Variants in VAV3 observed in about 807,000 individuals in gnomAD.
VAV3 encodes guanine nucleotide exchange factor VAV3.
A neutral mutation model predicts 131.2 loss-of-function variants in VAV3; 94 were observed. The ratio of observed to expected loss-of-function variants is 0.72; its 90% CI spans 0.61 to 0.85. The LOEUF (loss-of-function observed/expected upper bound fraction) is 0.85. Among genes scored for constraint, VAV3 ranks in the 40% least tolerant of loss-of-function variants. The pLI, the probability that VAV3 is intolerant of heterozygous loss-of-function variation, is 0.00. For synonymous variants in VAV3, 349 were observed against 342.0 expected (o/e 1.02, Z -0.22); for missense variants, 939 against 1,002.7 (o/e 0.94, Z 0.86).
chr1:107,688,688 A>G (rs1380842126), intron 17 of VAV3, among the ~76,000 whole-genome samples: 1 of 152,212 alleles, frequency 6.6e-6, no homozygotes, highest in Non-Finnish European at 1.5e-5. Context: ...CCTACCACAT[A>G]AAGCTCCTTA....
intron 2 of VAV3, among the ~76,000 whole-genome samples, chr1:107,822,661 T>A (rs28374986): frequency 0.12 from 29 of 252 alleles, no homozygotes; most frequent in Admixed American, 0.14. Context: ...TCAAAAAAAA[T>A]AAATAAATAA....
intron 2 of VAV3, among the ~76,000 whole-genome samples, chr1:107,820,506 C>G (rs547418884): frequency 6.7e-6 from 1 of 150,216 alleles, no homozygotes; most frequent in African/African-American, 2.5e-5. Context: ...ATAATAGTTA[C>G]AAAAATAGAG....
chr1:107,760,715 G>T, intron 10 of VAV3, 69 bp downstream of exon 10: 1 of 1,255,102 alleles, frequency 8.0e-7, no homozygotes, highest in South Asian at 1.3e-5. Flanking sequence ...CTGCAATGTA[G>T]TTGATGCTTC....
intron 2 of VAV3, among the ~76,000 whole-genome samples, chr1:107,792,498 AT>A (rs1292706151): frequency 1.3e-5 from 2 of 152,204 alleles, no homozygotes; most frequent in African/African-American, 4.8e-5. Context: ...AACTATGCAT[AT>A]AAATTTCAAC....
At chr1:107,849,724 G>A (rs185359625) in intron 2 of VAV3, among the ~76,000 whole-genome samples, 1 of 152,154 alleles carries the variant, frequency 6.6e-6, no homozygotes, top group East Asian at 1.9e-4. Context: ...ATTGACACAT[G>A]GGATCTAATT....
chr1:107,735,586 C>G (rs898235166), intron 15 of VAV3, among the ~76,000 whole-genome samples: 2 of 151,882 alleles, frequency 1.3e-5, no homozygotes, highest in Non-Finnish European at 2.9e-5. Context: ...CACCTCTACG[C>G]AAATAAACTA....
intron 2 of VAV3, 119 bp from the exon 3 acceptor site, chr1:107,779,611 C>A: frequency 3.5e-6 from 2 of 577,566 alleles, no homozygotes; most frequent in Non-Finnish European, 5.5e-6. Flanking sequence ...TTGCAGGTGT[C>A]AAAGATGTGC....
rs527937235 is a variant in VAV3 at position 107,662,784 on chromosome 1, A to G, written c.1778-20029T>C. 3.3e-5 allele frequency among the ~76,000 whole-genome samples: 5 copies of G among 152,340 alleles called. No homozygotes were observed. In the South Asian group the frequency reaches 8.3e-4, roughly 25 times the overall value. On this transcript the variant is annotated intron_variant, in intron 19 of 26. Transcript: ENST00000370056. ...GGGTAGAAAAAGACATATTAGTCAT[A>G]TGAATAAGGGGCAAAGCAATGAAGC...
intron 20 of VAV3, among the ~76,000 whole-genome samples, chr1:107,627,592 CATT>C (rs1227156367): frequency 2.0e-5 from 3 of 152,166 alleles, no homozygotes; most frequent in Non-Finnish European, 2.9e-5. Context: ...AATCATTAAT[CATT>C]ATACCCAAAT....
At chr1:107,732,843 G>T (rs1180084040) in intron 15 of VAV3, among the ~76,000 whole-genome samples, 2 of 152,224 alleles carry the variant, frequency 1.3e-5, no homozygotes, top group African/African-American at 4.8e-5. Flanking sequence ...CTGTCTGGCA[G>T]CTCTGAAGAG....
chr1:107,773,792 C>T (rs1665184790), intron 4 of VAV3, among the ~76,000 whole-genome samples: 1 of 152,050 alleles, frequency 6.6e-6, no homozygotes. Context: ...TTCTCTGTAC[C>T]ACATCAAAGG....
At chr1:107,662,178 C>T (rs1657068469) in intron 19 of VAV3, among the ~76,000 whole-genome samples, 1 of 152,002 alleles carries the variant, frequency 6.6e-6, no homozygotes, top group Admixed American at 6.6e-5. Flanking sequence ...ATCCATTTTG[C>T]AAAATGAGAC....
At chr1:107,589,083 C>T (rs1650734222) in intron 25 of VAV3, among the ~76,000 whole-genome samples, 1 of 152,006 alleles carries the variant, frequency 6.6e-6, no homozygotes, top group Admixed American at 6.6e-5. Context: ...ATGTAAAGTC[C>T]TCTTATAACT....
At chr1:107,603,769 C>G (rs868822861) in intron 22 of VAV3, among the ~76,000 whole-genome samples, 3 of 151,206 alleles carry the variant, frequency 2.0e-5, no homozygotes, top group South Asian at 2.1e-4. Flanking sequence ...TAAATACAGG[C>G]AAGCCCAAAG....
At chr1:107,701,798 T>A (rs1660148577) in intron 17 of VAV3, among the ~76,000 whole-genome samples, 1 of 152,142 alleles carries the variant, frequency 6.6e-6, no homozygotes, top group African/African-American at 2.4e-5. Flanking sequence ...TGACCTTTAC[T>A]CCAATTCCCA....
intron 1 of VAV3, among the ~76,000 whole-genome samples, chr1:107,891,602 G>T (rs1417567480): frequency 6.6e-6 from 1 of 152,010 alleles, no homozygotes; most frequent in Non-Finnish European, 1.5e-5. Context: ...ACTTTGGGAG[G>T]CCGAAGCGGG....
At chr1:107,786,612 A>G (rs1213364428) in intron 2 of VAV3, among the ~76,000 whole-genome samples, 1 of 152,244 alleles carries the variant, frequency 6.6e-6, no homozygotes, top group Non-Finnish European at 1.5e-5. Context: ...TGTCATTGTC[A>G]TCATCCTCAT....
chr1:107,948,118 A>C (rs1262553084), intron 1 of VAV3, among the ~76,000 whole-genome samples: 1 of 152,134 alleles, frequency 6.6e-6, no homozygotes, highest in South Asian at 2.1e-4. Context: ...TTGATTTTAT[A>C]ATTTTCATTA....
intron 20 of VAV3, among the ~76,000 whole-genome samples, chr1:107,619,157 G>A (rs935468983): frequency 6.6e-6 from 1 of 152,174 alleles, no homozygotes; most frequent in African/African-American, 2.4e-5. Flanking sequence ...ATGGAGGTAG[G>A]AGGTGACTAG....
Sources: allele counts gnomAD v4.1 joint callset (sites outside exome capture counted in the v4.1 genomes callset), GRCh38; gene constraint gnomAD v4.1.1; transcripts MANE v1.5; gene names NCBI Gene and HGNC (gene_info 2026-07-23, HGNC 2026-07-21).